The following EPN2 variants were observed in gnomAD, a reference collection of about 807,000 sequenced individuals.
EPN2 encodes the protein epsin-2.
Under a neutral mutation model 61.7 loss-of-function variants are expected in EPN2, and 34 were observed. The ratio of observed to expected loss-of-function variants is 0.55; its 90% CI spans 0.42 to 0.73. The LOEUF (loss-of-function observed/expected upper bound fraction) is 0.73, where lower values mean the gene tolerates loss of function less well. Among genes scored for constraint, EPN2 ranks in the 30% least tolerant of loss-of-function variants. EPN2 has a pLI of 0.00. For missense variants in EPN2, 714 were observed against 839.2 expected (o/e 0.85, Z 1.84); for synonymous variants, 349 against 353.6 (o/e 0.99, Z 0.15).
intron 1 of EPN2, among the ~76,000 whole-genome samples, chr17:19,262,753 C>G (rs1183466279): frequency 6.6e-6 from 1 of 151,498 alleles, no homozygotes; most frequent in Non-Finnish European, 1.5e-5. Flanking sequence ...CCCTCCCATT[C>G]TCTCCAGCCC....
intron 7 of EPN2, among the ~76,000 whole-genome samples, chr17:19,324,633 A>G (rs1906784946): frequency 6.6e-6 from 1 of 152,218 alleles, no homozygotes; most frequent in South Asian, 2.1e-4. Flanking sequence ...GCGCCTGGCC[A>G]ATAGTATATT....
rs1907377003 is a variant in EPN2, at chr17:19,335,571, T to G, written c.*1317T>G. On this transcript the variant is annotated 3_prime_UTR_variant, in exon 11 of 11. Coordinates refer to ENST00000314728, the MANE Select transcript of EPN2 (RefSeq NM_014964.5). ...CCCGAGGGCGTGGGGTGGGGGGTGCTTCTGTGCCCACGGGTCCCTGGGCAA... is the reference window on the plus strand; with the variant it reads ...CCCGAGGGCGTGGGGTGGGGGGTGCGTCTGTGCCCACGGGTCCCTGGGCAA... 1 of 1,225,668 alleles carries G rather than the reference T, an allele frequency of 8.2e-7. No individual in the cohort carries two copies. The highest frequency in any genetic ancestry group is 1.1e-6 in the Non-Finnish European group (1 of 894,068). 75.9% of individuals were successfully genotyped at this position (1,225,668 alleles called of 1,614,324 possible). A position where few individuals can be genotyped will look rare whatever the true frequency, so the allele number is the denominator to read the frequency against.
rs116848112 is a variant in EPN2, at chr17:19,284,244, A to T, written c.595+530A>T. ...AGTGTGAACAAGGCCTCCCTGCCAA[A>T]CATGCAAATGAGAGTTGCTAGTGAT... On this transcript the variant is annotated intron_variant, in intron 3 of 10. Transcript: ENST00000314728. Among the ~76,000 whole-genome samples, 105 of 152,346 alleles carry T rather than the reference A, an allele frequency of 6.9e-4. 4 individuals carry two copies. The East Asian group carries it at 0.02, about 29-fold the overall frequency.
At chr17:19,313,070 T>G in intron 6 of EPN2, 35 bp from the exon 7 acceptor site, 2 of 1,602,642 alleles carry the variant, frequency 1.2e-6, no homozygotes, top group Non-Finnish European at 1.7e-6. Context: ...AACTGTAGCA[T>G]AGTAAAACCT....
chr17:19,275,061 A>G (rs1256169822), intron 1 of EPN2, among the ~76,000 whole-genome samples: 5 of 152,150 alleles, frequency 3.3e-5, no homozygotes, highest in African/African-American at 1.2e-4. Flanking sequence ...AGATGATCCC[A>G]GACTTTGGTT....
chr17:19,310,130 C>G, intron 5 of EPN2, 133 bp downstream of exon 5: 2 of 673,894 alleles, frequency 3.0e-6, no homozygotes, highest in South Asian at 3.4e-5. Context: ...GATGGCATTT[C>G]ATGCTGCCGT....
chr17:19,295,354 A>ACGCGCG (rs1261153194), intron 4 of EPN2, among the ~76,000 whole-genome samples: 4 of 63,552 alleles, frequency 6.3e-5, no homozygotes, highest in African/African-American at 1.4e-4. Flanking sequence ...ACACACACAC[A>ACGCGCG]CACACACACA....
At chr17:19,270,063 C>T (rs1421002498) in intron 1 of EPN2, among the ~76,000 whole-genome samples, 2 of 152,160 alleles carry the variant, frequency 1.3e-5, no homozygotes, top group Non-Finnish European at 2.9e-5. Flanking sequence ...AAATCCTAGT[C>T]CCACCTCTTG....
At chr17:19,276,855 C>G (rs901693675) in intron 1 of EPN2, among the ~76,000 whole-genome samples, 27 of 143,974 alleles carry the variant, frequency 1.9e-4, no homozygotes, top group Non-Finnish European at 1.6e-4. Context: ...GACAACCCTC[C>G]CACCTCCACC....
At chr17:19,304,971 G>A (rs535649862) in intron 4 of EPN2, among the ~76,000 whole-genome samples, 1 of 152,260 alleles carries the variant, frequency 6.6e-6, no homozygotes, top group East Asian at 1.9e-4. Context: ...CCAGGCCCAG[G>A]GACATAGGAA....
rs1707927940 is a variant in EPN2, at chr17:19,285,587, C to CTG, written c.596-32_596-31insGT. The CTG allele has an allele frequency of 1.4e-6, 2 of 1,475,630 alleles. No homozygotes were observed. Among genetic ancestry groups the CTG allele is most frequent in the Non-Finnish European group, 1.8e-6 (2 of 1,106,938 alleles). 91.4% of individuals were successfully genotyped at this position (1,475,630 alleles called of 1,614,324 possible). A position where few individuals can be genotyped will look rare whatever the true frequency, so the allele number is the denominator to read the frequency against. The stretch of plus-strand genomic sequence containing the variant: ...CTGCGCACCCTCTAATGGCGTGTCT[C>CTG]TCTGTGTGTGTGTGTGTGTCCCTGC... On this transcript the variant is annotated intron_variant, in intron 3 of 10. Coordinates refer to ENST00000314728, the MANE Select transcript of EPN2 (RefSeq NM_014964.5). The surrounding 1 kb of genome is among the most constrained non-coding windows in gnomAD (Gnocchi z 4.5).
chr17:19,237,994 G>C (rs978331126), intron 1 of EPN2, among the ~76,000 whole-genome samples: 4 of 152,192 alleles, frequency 2.6e-5, no homozygotes, highest in African/African-American at 9.6e-5. Flanking sequence ...GCAGAGCCCG[G>C]TCCGGGCGCC....
At chr17:19,245,725 C>T (rs1368248553) in intron 1 of EPN2, among the ~76,000 whole-genome samples, 4 of 150,744 alleles carry the variant, frequency 2.7e-5, no homozygotes, top group East Asian at 3.9e-4. Flanking sequence ...TGCAATGGCG[C>T]GATCTCGGCT....
chr17:19,283,084 T>C lies in EPN2; in HGVS notation c.-36T>C. The C allele has an allele frequency of 6.5e-7, 1 of 1,527,652 alleles. No homozygotes were observed. The highest frequency in any genetic ancestry group is 8.9e-7 in the Non-Finnish European group (1 of 1,118,410). 94.6% of individuals were successfully genotyped at this position (1,527,652 alleles called of 1,614,324 possible). On this transcript the variant is annotated 5_prime_UTR_variant, in exon 3 of 11. Transcript: ENST00000314728. This position sits in a 1 kb window ranked among gnomAD's most constrained non-coding sequence, Gnocchi z 7.0. Reference sequence around the variant, plus strand: ...ACCAAGGACAGGAAGGTTTCTCTGTTTGAAGGGCTTTAAACTTATAACAAA... The same window carrying C: ...ACCAAGGACAGGAAGGTTTCTCTGTCTGAAGGGCTTTAAACTTATAACAAA...
intron 7 of EPN2, among the ~76,000 whole-genome samples, chr17:19,319,488 G>A (rs1316754700): frequency 6.6e-6 from 1 of 150,432 alleles, no homozygotes; most frequent in Non-Finnish European, 1.5e-5. Flanking sequence ...GTGCCACTAC[G>A]CCCAGCTAAT....
intron 4 of EPN2, among the ~76,000 whole-genome samples, chr17:19,303,398 T>C (rs1365262457): frequency 6.6e-6 from 1 of 152,214 alleles, no homozygotes; most frequent in African/African-American, 2.4e-5. Flanking sequence ...ATCCTGTCCC[T>C]GCAGTCTGTG....
chr17:19,265,378 G>GA (rs571952205), intron 1 of EPN2, among the ~76,000 whole-genome samples: 14,144 of 137,716 alleles, frequency 0.1, 1,100 homozygotes, highest in South Asian at 0.36. Flanking sequence ...CCTTTCTCAG[G>GA]AAAAAAAAAA....
chr17:19,295,360 A>ACGCGCGCGCGCGCG (rs1202148585), intron 4 of EPN2, among the ~76,000 whole-genome samples: 4 of 69,338 alleles, frequency 5.8e-5, no homozygotes, highest in African/African-American at 1.5e-4. Flanking sequence ...ACACACACAC[A>ACGCGCGCGCGCGCG]CACACACGCG....
chr17:19,317,353 G>A (rs1472932), intron 7 of EPN2, among the ~76,000 whole-genome samples: 85,407 of 152,206 alleles, frequency 0.56, 30,815 homozygotes, highest in Non-Finnish European at 0.81. Context: ...ATAGCCTGCT[G>A]ATTCAGAAGA....
Sources: allele counts gnomAD v4.1 joint callset (sites outside exome capture counted in the v4.1 genomes callset), GRCh38; gene constraint gnomAD v4.1.1; non-coding constraint Gnocchi (gnomAD v3.1); transcripts MANE v1.5; gene names NCBI Gene and HGNC (gene_info 2026-07-23, HGNC 2026-07-21).